Variants in CIRSR observed in about 807,000 individuals in gnomAD.
CIRSR encodes the protein CBF1 (RBPJ) interacting corepressor 1.
chr2:174,354,710 AATATAATATATATT>A, the CIRSR span, among the ~76,000 whole-genome samples: 8 of 97,358 alleles, frequency 8.2e-5, no homozygotes, highest in South Asian at 5.0e-4. Context: ...TATTATATAT[AATATAATATATATT>A]ATATAATATA....
chr2:174,351,658 A>G, the CIRSR span: 1 of 1,613,904 alleles, frequency 6.2e-7, no homozygotes, highest in East Asian at 2.2e-5. Context: ...TCCCCAGTAC[A>G]TTTCGTTTCA....
At chr2:174,370,898 G>A in the CIRSR span, among the ~76,000 whole-genome samples, 39 of 134,016 alleles carry the variant, frequency 2.9e-4, no homozygotes, top group African/African-American at 8.0e-4. Context: ...GTGACAGAGC[G>A]AGACTCCGTC....
At chr2:174,393,691 A>T in the CIRSR span, among the ~76,000 whole-genome samples, 307 of 136,554 alleles carry the variant, frequency 2.2e-3, no homozygotes, top group African/African-American at 7.8e-3. Flanking sequence ...CACTTCTATT[A>T]AAAAAAAAAA....
chr2:174,350,706 C>A, the CIRSR span: 1 of 1,608,978 alleles, frequency 6.2e-7, no homozygotes. Context: ...TTTAAAAATT[C>A]AACTTCTGGA....
the CIRSR span, among the ~76,000 whole-genome samples, chr2:174,361,207 T>A: frequency 6.6e-6 from 1 of 152,236 alleles, no homozygotes; most frequent in Non-Finnish European, 1.5e-5. Flanking sequence ...TTAGCTTTAA[T>A]AAAATTCTGG....
the CIRSR span, among the ~76,000 whole-genome samples, chr2:174,354,160 T>C: frequency 1.3e-5 from 2 of 151,570 alleles, no homozygotes; most frequent in Non-Finnish European, 2.9e-5. Flanking sequence ...ATTACTCTTC[T>C]AGCATTTATA....
the CIRSR span, among the ~76,000 whole-genome samples, chr2:174,362,344 G>T: frequency 1.4e-5 from 2 of 143,824 alleles, no homozygotes; most frequent in African/African-American, 5.0e-5. Flanking sequence ...AAAAATTATG[G>T]CAAAGTAACT....
the CIRSR span, among the ~76,000 whole-genome samples, chr2:174,349,349 A>G: frequency 7.9e-5 from 12 of 152,024 alleles, no homozygotes; most frequent in Middle Eastern, 3.4e-3. Context: ...GGCGGATCAC[A>G]AGGTCAGGAG....
chr2:174,350,588 C>G, the CIRSR span: 8 of 913,946 alleles, frequency 8.8e-6, no homozygotes, highest in African/African-American at 6.8e-5. Flanking sequence ...CTCTTAGGAT[C>G]AGAGTTGAAT....
the CIRSR span, among the ~76,000 whole-genome samples, chr2:174,393,972 A>C: frequency 1.3e-5 from 2 of 152,370 alleles, no homozygotes; most frequent in South Asian, 2.1e-4. Flanking sequence ...CTAATCAAAA[A>C]CATTTCATTC....
the CIRSR span, among the ~76,000 whole-genome samples, chr2:174,359,334 T>A: frequency 7.3e-6 from 1 of 136,734 alleles, no homozygotes; most frequent in Non-Finnish European, 1.6e-5. Flanking sequence ...GCATTTTACT[T>A]AAAAAAAAAA....
At chr2:174,395,502 G>A in the CIRSR span, 6 of 1,564,922 alleles carry the variant, frequency 3.8e-6, no homozygotes, top group Admixed American at 1.7e-5. Context: ...GCAGCCTCTG[G>A]GAAGGCGGTC....
the CIRSR span, among the ~76,000 whole-genome samples, chr2:174,390,507 A>G: frequency 6.6e-6 from 1 of 152,196 alleles, no homozygotes; most frequent in Non-Finnish European, 1.5e-5. Flanking sequence ...CTTGTCTTAC[A>G]TGAGACTTTG....
the CIRSR span, among the ~76,000 whole-genome samples, chr2:174,354,532 TTATATAA>T: frequency 2.9e-4 from 16 of 55,460 alleles, 1 homozygote; most frequent in Admixed American, 8.1e-4. Flanking sequence ...ATTTTATATA[TTATATAA>T]TATATATTAT....
chr2:174,353,722 T>C, the CIRSR span, among the ~76,000 whole-genome samples: 4 of 152,166 alleles, frequency 2.6e-5, no homozygotes, highest in African/African-American at 9.6e-5. Context: ...AGCCTCAGCC[T>C]CCTAAAGTGC....
At chr2:174,389,155 T>G in the CIRSR span, among the ~76,000 whole-genome samples, 4 of 152,126 alleles carry the variant, frequency 2.6e-5, no homozygotes, top group African/African-American at 7.2e-5. Flanking sequence ...GGAAGTGACT[T>G]TAGAACTGGG....
chr2:174,387,684 C>G, the CIRSR span: 2 of 1,576,806 alleles, frequency 1.3e-6, no homozygotes, highest in Admixed American at 1.9e-5. Flanking sequence ...GAATTTCTTA[C>G]CTATTATCAT....
chr2:174,354,407 T>A, the CIRSR span, among the ~76,000 whole-genome samples: 1 of 93,796 alleles, frequency 1.1e-5, no homozygotes, highest in Non-Finnish European at 1.9e-5. Flanking sequence ...ATATTTTATA[T>A]ATTATATATA....
At chr2:174,367,821 T>C in the CIRSR span, among the ~76,000 whole-genome samples, 1 of 148,218 alleles carries the variant, frequency 6.7e-6, no homozygotes, top group Non-Finnish European at 1.5e-5. Context: ...CTATATGTTA[T>C]TGCTGTCCAC....
Sources: gnomAD v4.1 joint callset for allele counts (sites outside exome capture counted in the v4.1 genomes callset) on GRCh38, gnomAD v4.1.1 for gene constraint, MANE v1.5 for transcripts, NCBI Gene and HGNC (gene_info 2026-07-23, HGNC 2026-07-21) for gene names.